Variants in BTNL9 observed in about 807,000 individuals in gnomAD.
BTNL9 encodes the protein butyrophilin like 9, also known as butyrophilin-like protein 9.
Under a neutral mutation model 45.8 loss-of-function variants are expected in BTNL9, and 45 were observed. The ratio of observed to expected loss-of-function variants is 0.98; its 90% CI spans 0.77 to 1.26. The LOEUF is 1.26. Ranked by LOEUF, BTNL9 falls within the 50% of genes most tolerant of loss-of-function variation. The pLI is 0.00. For synonymous variants in BTNL9, 346 were observed against 330.8 expected, an observed-to-expected ratio of 1.05 and a Z score of -0.50; for missense variants, 784 against 729.7, an observed-to-expected ratio of 1.07 and a Z score of -0.86.
chr5:181,055,014 G>C lies in BTNL9; in HGVS notation c.908-419G>C. On this transcript the variant is annotated intron_variant, in intron 7 of 10. Transcript: ENST00000327705. The surrounding 1 kb of genome is among the most constrained non-coding windows in gnomAD (Gnocchi z 4.4). ...TGGTAATTATTTGGGGAAATAATTGGGTGTGATGTCCTTCCAGTCCTTCAG... is the reference window on the plus strand; with the variant it reads ...TGGTAATTATTTGGGGAAATAATTGCGTGTGATGTCCTTCCAGTCCTTCAG... 1 of 985,440 alleles carries C rather than the reference G, an allele frequency of 1.0e-6. No homozygotes were observed. The highest frequency in any genetic ancestry group is 1.7e-5 in the African/African-American group (1 of 57,344). 61.0% of individuals were successfully genotyped at this position (985,440 alleles called of 1,614,324 possible).
intron 9 of BTNL9, among the ~76,000 whole-genome samples, chr5:181,056,238 C>T (rs1245463383): frequency 6.6e-6 from 1 of 152,210 alleles, no homozygotes; most frequent in African/African-American, 2.4e-5. Flanking sequence ...GTTACCTCGA[C>T]TCCTGGTGCC....
Position 181,045,450 on chromosome 5 carries a change from C to A in BTNL9, c.-23-17C>A. 2 of 1,373,052 alleles carry A rather than the reference C, an allele frequency of 1.5e-6. No individual in the cohort carries two copies. The highest frequency in any genetic ancestry group is 1.1e-5 in the South Asian group (1 of 86,962). The allele number at this position is 1,373,052 out of a possible 1,614,324, so 85.1% of individuals were successfully genotyped here. ...TACCTTTGCACGTCGCTCCAGCACCCCTTTGTCCCTCTCCAGGTGGCCCCC... is the reference window on the plus strand; with the variant it reads ...TACCTTTGCACGTCGCTCCAGCACCACTTTGTCCCTCTCCAGGTGGCCCCC... On this transcript the variant is annotated splice_polypyrimidine_tract_variant and intron_variant, in intron 1 of 10. Transcript: ENST00000327705.
Position 181,053,173 on chromosome 5 carries a change from GAC to G in BTNL9, c.737-24_737-23del. 1 of 1,557,106 alleles carries G rather than the reference GAC, an allele frequency of 6.4e-7. No homozygotes were observed. Among genetic ancestry groups the G allele is most frequent in the Non-Finnish European group, 8.7e-7 (1 of 1,150,552 alleles). ...CTCGGTGCTCAGCGGCGCCTGGACC[GAC>G]ACGGCCCCCGCGGGTGTTTTCCAGA... On this transcript the variant is annotated intron_variant, in intron 4 of 10. Transcript: ENST00000327705. The surrounding 1 kb of genome is among the most constrained non-coding windows in gnomAD (Gnocchi z 6.5).
At position 181,053,810 on chromosome 5, in the gene BTNL9, C is replaced by G. The variant is rs776988689; in HGVS notation, c.886+309C>G. On this transcript the variant is annotated intron_variant, in intron 6 of 10. Transcript: ENST00000327705. The surrounding 1 kb of genome is among the most constrained non-coding windows in gnomAD (Gnocchi z 6.5). ...GAGGGAGCGGTGACCAGGGTCTCTG[C>G]TGCCAGCGCCACCTCGTCCAGGTTT... 3.0e-5 allele frequency: 46 copies of G among 1,519,290 alleles called. No homozygotes were observed. The highest frequency in any genetic ancestry group is 3.7e-5 in the Non-Finnish European group (42 of 1,136,516). The allele number at this position is 1,519,290 out of a possible 1,614,324, so 94.1% of individuals were successfully genotyped here.
chr5:181,042,002 C>T lies in BTNL9; in HGVS notation c.-24+1570C>T, dbSNP rs777497213. On this transcript the variant is annotated intron_variant, in intron 1 of 10. Transcript: ENST00000327705. The surrounding 1 kb of genome is among the most constrained non-coding windows in gnomAD (Gnocchi z 4.5). ...AAGTACTCATCTTTAAAGACAGACT[C>T]GACGGAGGGACCGGAAATCAGAAAA... 1.2e-4 allele frequency among the ~76,000 whole-genome samples: 19 copies of T among 152,014 alleles called. No individual in the cohort carries two copies. Among genetic ancestry groups the T allele is most frequent in the African/African-American group, 2.7e-4 (11 of 41,366 alleles).
At position 181,059,594 on chromosome 5, in the gene BTNL9, G is replaced by A. The variant is rs767405462; in HGVS notation, c.1340G>A (p.Arg447Gln). The A allele has an allele frequency of 4.3e-6, 7 of 1,613,130 alleles. No homozygotes were observed. In the South Asian group the frequency reaches 7.7e-5, roughly 18 times the overall value. ...GCGCTCACCCTGCGCGTGCCCCCGCGGCGCCTGGGCGTCTTCCTGGACTAC... is the reference window on the plus strand; with the variant it reads ...GCGCTCACCCTGCGCGTGCCCCCGCAGCGCCTGGGCGTCTTCCTGGACTAC... The part of the protein sequence containing the change: ...RVALTLRVPP[R>Q]RLGVFLDYEA... Residue 447 changes from arginine to glutamine, a missense_variant, in exon 11 of 11, where the codon CGG (arginine) becomes CAG (glutamine). Coordinates refer to ENST00000327705, the MANE Select transcript of BTNL9 (RefSeq NM_152547.5).
chr5:181,051,922 T>C (rs1221627827), intron 4 of BTNL9, among the ~76,000 whole-genome samples: 1 of 152,204 alleles, frequency 6.6e-6, no homozygotes, highest in Non-Finnish European at 1.5e-5. Context: ...GTGACTCACA[T>C]GGATACCTTT....
At position 181,048,018 on chromosome 5, in the gene BTNL9, C is replaced by T. The variant is rs747771596; in HGVS notation, c.201C>T (p.Ala67=). ...GCCACCTATGGCCACAGCTGGATGC[C>T]CAGCAAATGGAGATCCGCTGGTTCC... The part of the protein sequence containing the change: ...FPCHLWPQLD[A]QQMEIRWFRS... Residue 67 remains alanine, a synonymous_variant, in exon 3 of 11, where the codon GCC becomes GCT. Coordinates refer to ENST00000327705, the MANE Select transcript of BTNL9 (RefSeq NM_152547.5). The T allele has an allele frequency of 1.2e-6, 2 of 1,613,776 alleles. No homozygotes were observed. The highest frequency in any genetic ancestry group is 2.2e-5 in the South Asian group (2 of 91,074).
In BTNL9 at chr5:181,059,510, A is replaced by G. The variant is rs571788589; in HGVS notation, c.1256A>G (p.Tyr419Cys). The change falls in exon 11 of 11, where the codon TAC (tyrosine) becomes TGC (cysteine). Residue 419 changes from tyrosine to cysteine, a missense_variant. Coordinates refer to ENST00000327705, the MANE Select transcript of BTNL9 (RefSeq NM_152547.5). ...GCGCGCCTGAGCCCTGCGGCCGGCT[A>G]CTGGGTGCTGGGGCTGTGGAACGGC... ...GPARLSPAAG[Y>C]WVLGLWNGCE... 26 of 1,593,872 alleles carry G rather than the reference A, an allele frequency of 1.6e-5. No homozygotes were observed. Among genetic ancestry groups the G allele is most frequent in the African/African-American group, 2.7e-5 (2 of 74,310 alleles).
intron 1 of BTNL9, among the ~76,000 whole-genome samples, chr5:181,045,041 G>T: frequency 6.6e-6 from 1 of 152,218 alleles, no homozygotes; most frequent in East Asian, 1.9e-4. Context: ...ACGAAGGTTG[G>T]GTTGGTGGTG....
intron 1 of BTNL9, among the ~76,000 whole-genome samples, chr5:181,043,142 T>C (rs550923357): frequency 1.3e-5 from 2 of 152,150 alleles, no homozygotes; most frequent in African/African-American, 4.8e-5. Context: ...GTTTGATAGA[T>C]AGGAAGTACC....
chr5:181,050,991 G>A lies in BTNL9; in HGVS notation c.736+622G>A, dbSNP rs886133317. ...AATCCCAGCTACTCGGGAGGCTGAG[G>A]CAGGAGAATCGCTTGAACCGGGGGG... On this transcript the variant is annotated intron_variant, in intron 4 of 10. Transcript: ENST00000327705. The surrounding 1 kb of genome is among the most constrained non-coding windows in gnomAD (Gnocchi z 4.9). Among the ~76,000 whole-genome samples, 4 of 151,374 alleles carry A rather than the reference G, an allele frequency of 2.6e-5. No homozygotes were observed. Among genetic ancestry groups the A allele is most frequent in the African/African-American group, 9.7e-5 (4 of 41,090 alleles).
chr5:181,054,199 T>C (rs1171379145), intron 6 of BTNL9, 40 bp from the exon 7 acceptor site: 18 of 1,612,440 alleles, frequency 1.1e-5, no homozygotes, highest in Non-Finnish European at 8.5e-7. Flanking sequence ...CCTGAGAGTC[T>C]TTCCCCTTTT....
intron 4 of BTNL9, among the ~76,000 whole-genome samples, chr5:181,051,034 C>T (rs142050038): frequency 1.4e-5 from 2 of 147,906 alleles, no homozygotes; most frequent in African/African-American, 2.5e-5. Flanking sequence ...TGCAGTGAGC[C>T]GAGATCTGCA....
intron 9 of BTNL9, among the ~76,000 whole-genome samples, chr5:181,057,642 CA>C (rs1032834672): frequency 1.1e-4 from 17 of 152,098 alleles, no homozygotes; most frequent in Non-Finnish European, 2.1e-4. Flanking sequence ...TAAATCTCCC[CA>C]AAAAATGCAA....
chr5:181,054,064 C>T (rs1761739279), intron 6 of BTNL9, 175 bp from the exon 7 acceptor site: 5 of 1,546,326 alleles, frequency 3.2e-6, no homozygotes, highest in Non-Finnish European at 4.4e-6. Context: ...GCGCACTTCC[C>T]CATCCCCTGC....
intron 9 of BTNL9, among the ~76,000 whole-genome samples, chr5:181,057,968 A>G (rs1359558843): frequency 6.6e-6 from 1 of 152,212 alleles, no homozygotes; most frequent in Non-Finnish European, 1.5e-5. Flanking sequence ...TCTGGAGGGC[A>G]TCTTTGGGAC....
chr5:181,056,865 T>C, intron 9 of BTNL9: 1 of 470,230 alleles, frequency 2.1e-6, no homozygotes, highest in South Asian at 3.1e-5. Flanking sequence ...GTTTGCAACC[T>C]CTGAATGCTG....
At chr5:181,049,573 C>T (rs1388981998) in intron 3 of BTNL9, among the ~76,000 whole-genome samples, 4 of 152,238 alleles carry the variant, frequency 2.6e-5, no homozygotes, top group East Asian at 1.9e-4. Context: ...GGTGTGATGA[C>T]GGGAAGGATG....
Sources: allele counts gnomAD v4.1 joint callset (sites outside exome capture counted in the v4.1 genomes callset), GRCh38; gene constraint gnomAD v4.1.1; non-coding constraint Gnocchi (gnomAD v3.1); transcripts MANE v1.5; gene names NCBI Gene and HGNC (gene_info 2026-07-23, HGNC 2026-07-21).